Variants in SLC26A7 observed in about 807,000 individuals in gnomAD.
SLC26A7 encodes solute carrier family 26 member 7, also known as anion exchange transporter.
In SLC26A7, 59 loss-of-function variants were observed where a neutral mutation model predicts 82.5. The observed-to-expected ratio is 0.72, with a 90% CI of 0.58 to 0.89. The LOEUF (loss-of-function observed/expected upper bound fraction) is 0.89. SLC26A7 is among the 40% of genes least tolerant of loss of function. The pLI is 0.00. For missense variants in SLC26A7, 820 were observed against 793.0 expected (o/e 1.03, Z -0.41); for synonymous variants, 271 against 274.3 (o/e 0.99, Z 0.12).
rs1298662058 is a variant in SLC26A7, at chr8:91,295,410, G to A, written c.305-121G>A. On this transcript the variant is annotated intron_variant, in intron 3 of 18. Coordinates refer to ENST00000276609, the MANE Select transcript of SLC26A7 (RefSeq NM_052832.4). ...TGGAGAAGCAAGGCCACAGAGGAGGGGACAGTGTTTCTAATAGATCTGTTT... is the reference window on the plus strand; with the variant it reads ...TGGAGAAGCAAGGCCACAGAGGAGGAGACAGTGTTTCTAATAGATCTGTTT... 3 of 1,095,236 alleles carry A rather than the reference G, an allele frequency of 2.7e-6. No homozygotes were observed. In the Admixed American group the frequency reaches 7.1e-5, roughly 26 times the overall value. 67.8% of individuals were successfully genotyped at this position (1,095,236 alleles called of 1,614,324 possible).
chr8:91,230,019 G>T (rs1810291011), intron 2 of SLC26A7, among the ~76,000 whole-genome samples: 1 of 151,982 alleles, frequency 6.6e-6, no homozygotes, highest in African/African-American at 2.4e-5. Context: ...ATAGATTTTT[G>T]CCTGTTGTAG....
chr8:91,213,306 A>C (rs928462462), intron 1 of SLC26A7, among the ~76,000 whole-genome samples: 2 of 152,170 alleles, frequency 1.3e-5, no homozygotes, highest in Non-Finnish European at 2.9e-5. Context: ...CGTCTAAGCC[A>C]AGATGCTTTT....
At chr8:91,368,413 G>GTTTTTTTTTTTTTTTTTTT (rs565439844) in intron 14 of SLC26A7, among the ~76,000 whole-genome samples, 1 of 144,990 alleles carries the variant, frequency 6.9e-6, no homozygotes. Flanking sequence ...TTCAGATGAG[G>GTTTTTTTTTTTTTTTTTTT]TTTTTTTTTT....
intron 5 of SLC26A7, among the ~76,000 whole-genome samples, chr8:91,330,202 T>C (rs184238361): frequency 6.6e-6 from 1 of 152,288 alleles, no homozygotes; most frequent in East Asian, 1.9e-4. Flanking sequence ...TGCGTTATGC[T>C]AATTCTTTTC....
chr8:91,304,740 G>T (rs2130789144), intron 4 of SLC26A7, among the ~76,000 whole-genome samples: 1 of 152,228 alleles, frequency 6.6e-6, no homozygotes, highest in South Asian at 2.1e-4. Context: ...TACTTCTAGG[G>T]CCAGGCATTG....
At chr8:91,386,844 A>T (rs998770311) in intron 15 of SLC26A7, among the ~76,000 whole-genome samples, 1 of 152,214 alleles carries the variant, frequency 6.6e-6, no homozygotes, top group African/African-American at 2.4e-5. Flanking sequence ...GCCCCAACTC[A>T]TTACTGACTT....
intron 13 of SLC26A7, 77 bp downstream of exon 13, chr8:91,363,615 A>G: frequency 1.3e-6 from 1 of 784,684 alleles, no homozygotes; most frequent in Non-Finnish European, 2.0e-6. Context: ...CATCACAAAA[A>G]TTAGATAAAT....
chr8:91,274,679 A>T (rs997453264), intron 2 of SLC26A7, among the ~76,000 whole-genome samples: 2 of 152,232 alleles, frequency 1.3e-5, no homozygotes, highest in African/African-American at 4.8e-5. Context: ...ATTTGGAAGA[A>T]GCAAACATTC....
chr8:91,271,590 CT>C (rs67904308), intron 2 of SLC26A7, among the ~76,000 whole-genome samples: 1,619 of 113,708 alleles, frequency 0.014, 2 homozygotes, highest in Non-Finnish European at 0.019. Context: ...CTAGAGAAAT[CT>C]TTTTTTTTTT....
chr8:91,356,912 C>T (rs185366398), intron 11 of SLC26A7, among the ~76,000 whole-genome samples: 22 of 152,186 alleles, frequency 1.4e-4, no homozygotes, highest in African/African-American at 4.6e-4. Context: ...AGCAGGAGGT[C>T]GTAAATGAGG....
At chr8:91,354,315 T>C (rs918813378) in intron 11 of SLC26A7, among the ~76,000 whole-genome samples, 2 of 152,064 alleles carry the variant, frequency 1.3e-5, no homozygotes, top group African/African-American at 4.8e-5. Context: ...AGAATTGCAT[T>C]ACCTGGAGAA....
Position 91,344,802 on chromosome 8 carries a change from G to A in SLC26A7, c.1140+1336G>A, listed in dbSNP as rs531092872. ...GTGTAGGGTCATCTTCTGTAGTGGC[G>A]TAAACATTTTTGCAAACTGTACTCT... On this transcript the variant is annotated intron_variant, in intron 9 of 18. Transcript: ENST00000276609. 5.3e-5 allele frequency among the ~76,000 whole-genome samples: 8 copies of A among 152,216 alleles called. No homozygotes were observed. In the East Asian group the frequency reaches 5.8e-4, roughly 11 times the overall value.
chr8:91,346,636 G>A (rs1344364169), intron 9 of SLC26A7, among the ~76,000 whole-genome samples: 1 of 152,118 alleles, frequency 6.6e-6, no homozygotes, highest in African/African-American at 2.4e-5. Flanking sequence ...CTGCAGAAAT[G>A]GTATTTCTGT....
At chr8:91,263,929 T>C (rs1161446918) in intron 2 of SLC26A7, among the ~76,000 whole-genome samples, 1 of 152,044 alleles carries the variant, frequency 6.6e-6, no homozygotes, top group Non-Finnish European at 1.5e-5. Flanking sequence ...AAATATTAGT[T>C]GAATAAAAGA....
chr8:91,301,658 C>G (rs2130785066), intron 4 of SLC26A7, among the ~76,000 whole-genome samples: 1 of 151,946 alleles, frequency 6.6e-6, no homozygotes, highest in African/African-American at 2.4e-5. Context: ...TTAAGAAAAC[C>G]AGGATTTTGA....
At chr8:91,341,021 T>C (rs373706968) in intron 8 of SLC26A7, among the ~76,000 whole-genome samples, 1 of 151,570 alleles carries the variant, frequency 6.6e-6, no homozygotes, top group Non-Finnish European at 1.5e-5. Context: ...AGTTTTAGGG[T>C]ACATGTGCAC....
intron 2 of SLC26A7, among the ~76,000 whole-genome samples, chr8:91,251,363 A>T (rs560387780): frequency 2.0e-5 from 3 of 152,090 alleles, no homozygotes; most frequent in African/African-American, 7.2e-5. Context: ...GATGAGAAGC[A>T]CAACACATAC....
At chr8:91,349,508 G>A (rs1813656764) in intron 9 of SLC26A7, among the ~76,000 whole-genome samples, 1 of 152,166 alleles carries the variant, frequency 6.6e-6, no homozygotes, top group African/African-American at 2.4e-5. Flanking sequence ...TAGTTAGGTT[G>A]TAATTTCTAT....
chr8:91,234,851 C>CCTTT (rs1810369797), intron 2 of SLC26A7, among the ~76,000 whole-genome samples: 1 of 149,796 alleles, frequency 6.7e-6, no homozygotes, highest in African/African-American at 2.5e-5. Context: ...TTCCTTCCTT[C>CCTTT]CTTCCTTCCT....
Sources: gnomAD v4.1 joint callset for allele counts (sites outside exome capture counted in the v4.1 genomes callset) on GRCh38, gnomAD v4.1.1 for gene constraint, MANE v1.5 for transcripts, NCBI Gene and HGNC (gene_info 2026-07-23, HGNC 2026-07-21) for gene names.